The following MMP26 variants were observed in gnomAD, a reference collection of about 807,000 sequenced individuals.
MMP26 encodes matrix metallopeptidase 26.
In MMP26, 33 loss-of-function variants were observed where a neutral mutation model predicts 31.0. The ratio of observed to expected loss-of-function variants is 1.06; its 90% confidence interval spans 0.81 to 1.42. The LOEUF (loss-of-function observed/expected upper bound fraction) is 1.42, where lower values mean the gene tolerates loss of function less well. Among genes scored for constraint, MMP26 ranks in the 40% most tolerant of loss-of-function variants. MMP26 has a pLI of 0.00. For synonymous variants in MMP26, 122 were observed against 114.9 expected, an observed-to-expected ratio of 1.06 and a Z score of -0.40; for missense variants, 347 against 316.1, an observed-to-expected ratio of 1.10 and a Z score of -0.74.
chr11:4,845,117 A>G (rs987527642), intron 2 of MMP26, among the ~76,000 whole-genome samples: 3 of 152,154 alleles, frequency 2.0e-5, no homozygotes, highest in Admixed American at 6.5e-5. Flanking sequence ...GTGATCAAAA[A>G]TTAAAAAGAA....
At chr11:4,718,288 C>T (rs1005021601) in intron 1 of MMP26, among the ~76,000 whole-genome samples, 8 of 152,192 alleles carry the variant, frequency 5.3e-5, no homozygotes, top group Admixed American at 5.2e-4. Context: ...GAACACACTT[C>T]AACAAATATT....
chr11:4,943,711 GC>G, intron 2 of MMP26: 1 of 352,720 alleles, frequency 2.8e-6, no homozygotes, highest in East Asian at 7.6e-5. Flanking sequence ...TGTTTAAGGA[GC>G]CCCAGAGTTG....
At chr11:4,915,644 C>T in intron 2 of MMP26, 1 of 1,611,902 alleles carries the variant, frequency 6.2e-7, no homozygotes, top group Non-Finnish European at 8.5e-7. Context: ...GCTGCTGTTT[C>T]CCAGGGATCC....
intron 1 of MMP26, among the ~76,000 whole-genome samples, chr11:4,745,035 A>G (rs1848361925): frequency 1.3e-5 from 2 of 152,180 alleles, no homozygotes; most frequent in Non-Finnish European, 2.9e-5. Flanking sequence ...ATGTATTGCA[A>G]TTACTGAGAT....
At chr11:4,741,767 A>G (rs1164279907) in intron 1 of MMP26, among the ~76,000 whole-genome samples, 1 of 152,122 alleles carries the variant, frequency 6.6e-6, no homozygotes, top group East Asian at 1.9e-4. Flanking sequence ...CTGGAACTTA[A>G]AGTAAAATAG....
intron 2 of MMP26, chr11:4,882,443 T>A (rs1850485515): frequency 1.2e-6 from 2 of 1,613,924 alleles, no homozygotes; most frequent in African/African-American, 1.3e-5. Context: ...TCCATTTTGC[T>A]ACCACCCAGA....
chr11:4,983,048 G>A (rs114776702), intron 2 of MMP26, among the ~76,000 whole-genome samples: 1,890 of 152,228 alleles, frequency 0.012, 50 homozygotes, highest in African/African-American at 0.043. Flanking sequence ...TCTATGAGAC[G>A]GTAAACTAAC....
At chr11:4,858,931 A>T (rs1412229101) in intron 2 of MMP26, among the ~76,000 whole-genome samples, 4 of 152,184 alleles carry the variant, frequency 2.6e-5, no homozygotes, top group Non-Finnish European at 5.9e-5. Flanking sequence ...ATCTATAACC[A>T]TCTGATCTTT....
At chr11:4,736,763 A>T (rs954674039) in intron 1 of MMP26, 1 of 152,348 alleles carries the variant, frequency 6.6e-6, no homozygotes, top group African/African-American at 2.4e-5. Flanking sequence ...AGCACTGAGG[A>T]CTCCATGACA....
At chr11:4,788,129 C>T (rs541472046) in intron 2 of MMP26, among the ~76,000 whole-genome samples, 1 of 152,266 alleles carries the variant, frequency 6.6e-6, no homozygotes, top group Admixed American at 6.5e-5. Flanking sequence ...GAATACTTAA[C>T]AGGCACACAG....
At chr11:4,864,175 A>G (rs1170103586) in intron 2 of MMP26, among the ~76,000 whole-genome samples, 1 of 152,176 alleles carries the variant, frequency 6.6e-6, no homozygotes, top group Non-Finnish European at 1.5e-5. Context: ...TAAAAAAAAG[A>G]TCTTTGAATT....
chr11:4,960,756 T>C (rs758757041), intron 2 of MMP26, among the ~76,000 whole-genome samples: 2 of 152,052 alleles, frequency 1.3e-5, no homozygotes, highest in African/African-American at 2.4e-5. Context: ...TTTATTTACA[T>C]TTAAAAAGGG....
intron 2 of MMP26, among the ~76,000 whole-genome samples, chr11:4,963,511 A>G (rs1846549408): frequency 6.6e-6 from 1 of 152,224 alleles, no homozygotes; most frequent in Non-Finnish European, 1.5e-5. Context: ...TAACCAAAAC[A>G]GCATGGTACT....
Position 4,947,196 on chromosome 11 carries a change from A to C in MMP26, c.-144-40872A>C. ...TTAGTAGAAAAAAAGCAGTGTTAAA[A>C]TTTGTGGCTTCTTTCAGCTTTCTTT... On this transcript the variant is annotated intron_variant, in intron 2 of 7. Transcript: ENST00000380390. 2.2e-6 allele frequency: 2 copies of C among 898,152 alleles called. 1 individual carries two copies. Among genetic ancestry groups the C allele is most frequent in the South Asian group, 3.5e-5 (2 of 57,458 alleles). 55.6% of individuals were successfully genotyped at this position (898,152 alleles called of 1,614,324 possible).
intron 1 of MMP26, among the ~76,000 whole-genome samples, chr11:4,726,356 G>A (rs1185448002): frequency 2.6e-5 from 4 of 151,746 alleles, no homozygotes; most frequent in Non-Finnish European, 4.4e-5. Context: ...CCAGCTACTC[G>A]AAGGCTGAGG....
At chr11:4,925,785 A>AAT (rs1851263395) in intron 2 of MMP26, among the ~76,000 whole-genome samples, 1 of 151,624 alleles carries the variant, frequency 6.6e-6, no homozygotes. Context: ...AAAAAAAAAA[A>AAT]TGAAGTAGGA....
intron 2 of MMP26, chr11:4,944,161 G>A (rs554909715): frequency 1.0e-4 from 45 of 445,998 alleles, no homozygotes; most frequent in Non-Finnish European, 1.8e-4. Context: ...CATAGGAACA[G>A]TTCTTGCCCT....
At chr11:4,884,931 T>TA (rs1187793152) in intron 2 of MMP26, among the ~76,000 whole-genome samples, 3 of 152,136 alleles carry the variant, frequency 2.0e-5, no homozygotes. Context: ...TATGGCTCTT[T>TA]AAAGTATAAA....
intron 2 of MMP26, among the ~76,000 whole-genome samples, chr11:4,846,663 A>AC (rs1849872517): frequency 6.6e-6 from 1 of 152,160 alleles, no homozygotes; most frequent in Non-Finnish European, 1.5e-5. Flanking sequence ...CATCTCATGT[A>AC]CCCCATAAAT....
Sources: gnomAD v4.1 joint callset for allele counts (sites outside exome capture counted in the v4.1 genomes callset) on GRCh38, gnomAD v4.1.1 for gene constraint, MANE v1.5 for transcripts, NCBI Gene and HGNC (gene_info 2026-07-23, HGNC 2026-07-21) for gene names.